Variants in CACHD1 observed in about 807,000 individuals in gnomAD.
The protein encoded by CACHD1 is VWFA and cache domain-containing protein 1.
In CACHD1, 71 loss-of-function variants were observed where a neutral mutation model predicts 138.7. The ratio of observed to expected loss-of-function variants is 0.51; its 90% CI spans 0.42 to 0.62. The LOEUF is 0.62. Among genes scored for constraint, CACHD1 ranks in the 20% least tolerant of loss-of-function variants. The probability of loss-of-function intolerance (pLI) is 0.00; values close to 1 mark genes in which losing one functional copy is unlikely to be tolerated. For missense variants in CACHD1, 1,389 were observed against 1,625.3 expected (o/e 0.85, Z 2.50); for synonymous variants, 578 against 591.5 (o/e 0.98, Z 0.33).
In CACHD1 at chr1:64,658,738, G is replaced by T; in HGVS notation, c.1816G>T (p.Val606Leu). Residue 606 changes from valine (V) to leucine (L), a missense_variant, in exon 13 of 27, where the codon GTG (valine) becomes TTG (leucine). By Grantham distance (32) the Val-to-Leu change is conservative. Transcript: ENST00000651257. ...CACTTCCTTTATTCTGTGTATTGTG[G>T]TGATACAACCAGAAATACCTGTGAA... ...QDTSFILCIV[V>L]IQPEIPVKQL... 6.2e-7 allele frequency: 1 copy of T among 1,612,034 alleles called. No homozygotes were observed. Among genetic ancestry groups the T allele is most frequent in the Non-Finnish European group, 8.5e-7 (1 of 1,178,930 alleles).
At chr1:64,630,394 G>A (rs968860826) in intron 5 of CACHD1, among the ~76,000 whole-genome samples, 1 of 151,236 alleles carries the variant, frequency 6.6e-6, no homozygotes, top group African/African-American at 2.4e-5. Context: ...TCTGCCTCCC[G>A]GGTTCAAGCG....
intron 26 of CACHD1, among the ~76,000 whole-genome samples, chr1:64,689,535 C>T (rs1165207433): frequency 1.3e-5 from 2 of 152,172 alleles, no homozygotes; most frequent in Non-Finnish European, 1.5e-5. Flanking sequence ...TCTTTCCTTT[C>T]GCTTCATCTC....
chr1:64,557,019 T>C (rs1646803831), intron 2 of CACHD1, among the ~76,000 whole-genome samples: 1 of 151,846 alleles, frequency 6.6e-6, no homozygotes, highest in Non-Finnish European at 1.5e-5. Flanking sequence ...CTTGGGAGGC[T>C]GAGGCAGGAG....
intron 4 of CACHD1, among the ~76,000 whole-genome samples, chr1:64,615,167 A>T (rs775722270): frequency 6.6e-6 from 1 of 152,190 alleles, no homozygotes; most frequent in South Asian, 2.1e-4. Context: ...CATGTAAAAC[A>T]TTGCTTATTC....
chr1:64,533,464 TG>T (rs1429239906), intron 1 of CACHD1, among the ~76,000 whole-genome samples: 1 of 152,226 alleles, frequency 6.6e-6, no homozygotes, highest in East Asian at 1.9e-4. Context: ...TTATAGCAGC[TG>T]GGCTTTTCAG....
intron 21 of CACHD1, 23 bp from the exon 22 acceptor site, chr1:64,676,872 C>G (rs747092038): frequency 6.3e-7 from 1 of 1,596,520 alleles, no homozygotes; most frequent in Admixed American, 1.7e-5. Flanking sequence ...TCGTCTTAAC[C>G]TCCAGACTTA....
Position 64,681,350 on chromosome 1 carries a change from G to A in CACHD1, c.3484+15G>A. 1.2e-6 allele frequency: 2 copies of A among 1,600,058 alleles called. No homozygotes were observed. The highest frequency in any genetic ancestry group is 1.7e-6 in the Non-Finnish European group (2 of 1,167,696). On this transcript the variant is annotated intron_variant, in intron 25 of 26. Transcript: ENST00000651257. ...CAGAGGCATCAGTGAGTATTCAGCT[G>A]CCTTGCTGCAGAATGTGTCAGCAGG...
chr1:64,671,804 C>A (rs2100719299), intron 17 of CACHD1, 118 bp downstream of exon 17: 6 of 1,209,778 alleles, frequency 5.0e-6, no homozygotes, highest in African/African-American at 1.5e-5. Flanking sequence ...TAATTTATGG[C>A]CTGGGTGTCC....
At chr1:64,534,598 G>A (rs757019525) in intron 1 of CACHD1, among the ~76,000 whole-genome samples, 6 of 152,140 alleles carry the variant, frequency 3.9e-5, no homozygotes, top group African/African-American at 7.2e-5. Flanking sequence ...TTGCCACTAC[G>A]TATCCTGCAG....
chr1:64,631,211 CAAAG>C (rs1648292717), intron 5 of CACHD1, among the ~76,000 whole-genome samples: 1 of 152,218 alleles, frequency 6.6e-6, no homozygotes, highest in Non-Finnish European at 1.5e-5. Context: ...TGAATTTTAA[CAAAG>C]GAAGTGTGTC....
intron 1 of CACHD1, among the ~76,000 whole-genome samples, chr1:64,527,179 G>T (rs145721726): frequency 2.6e-5 from 4 of 152,222 alleles, no homozygotes; most frequent in Non-Finnish European, 5.9e-5. Context: ...ACCACGGAGC[G>T]GCACAGGGAC....
intron 16 of CACHD1, among the ~76,000 whole-genome samples, chr1:64,668,159 T>G (rs1649696410): frequency 6.6e-6 from 1 of 152,070 alleles, no homozygotes; most frequent in African/African-American, 2.4e-5. Flanking sequence ...AAACCCCGTC[T>G]GTACTAAAAA....
rs1247493270 is a variant in CACHD1, at chr1:64,566,488, C to CCCCT, written c.262-15666_262-15665insCTCC. Among the ~76,000 whole-genome samples, 20 of 144,578 alleles carry CCCCT rather than the reference C, an allele frequency of 1.4e-4. 1 individual carries two copies. Among genetic ancestry groups the CCCCT allele is most frequent in the Non-Finnish European group, 1.6e-4 (10 of 63,406 alleles). The allele number at this position is 144,578 out of a possible 152,430, so 94.8% of individuals were successfully genotyped here. ...ACTGTATGTTTTCAATTCCCCCCCC[C>CCCCT]CCACAAGGTATGGGGGAAGTACTGC... On this transcript the variant is annotated intron_variant, in intron 2 of 26. Coordinates refer to ENST00000651257, the MANE Select transcript of CACHD1 (RefSeq NM_020925.4).
At chr1:64,630,921 C>G (rs537724603) in intron 5 of CACHD1, among the ~76,000 whole-genome samples, 39 of 152,362 alleles carry the variant, frequency 2.6e-4, no homozygotes, top group African/African-American at 9.4e-4. Flanking sequence ...TTTCCCTTGG[C>G]TAAATGATCC....
At chr1:64,635,069 G>A (rs1480586624) in intron 7 of CACHD1, among the ~76,000 whole-genome samples, 2 of 151,416 alleles carry the variant, frequency 1.3e-5, no homozygotes, top group African/African-American at 4.9e-5. Context: ...TAATTATAGA[G>A]TGTTAACTGC....
chr1:64,652,436 C>T (rs1280083625), intron 10 of CACHD1, 126 bp downstream of exon 10: 2 of 806,178 alleles, frequency 2.5e-6, no homozygotes, highest in East Asian at 2.9e-5. Context: ...TAAGATTGCT[C>T]ATTTGTAGTA....
chr1:64,664,618 G>A lies in CACHD1; in HGVS notation c.2215G>A (p.Val739Ile), dbSNP rs565019008. The A allele has an allele frequency of 3.4e-5, 55 of 1,614,162 alleles. No individual in the cohort carries two copies. The highest frequency in any genetic ancestry group is 4.0e-5 in the Non-Finnish European group (47 of 1,180,026). ...VRRYIATPNG[V>I]LRIYPGSLMD... ...CCGTTACATAGCAACACCCAATGGC[G>A]TCCTCAGAATTTATCCTGGTTCCCT... The change falls in exon 15 of 27, where the codon GTC becomes ATC. Residue 739 changes from valine (V) to isoleucine (I), a missense_variant. Val to Ile is a conservative substitution (Grantham distance 29, BLOSUM62 3). This residue lies in a region of CACHD1 where 1,000 missense variants were observed against 1,114.7 expected (regional missense o/e 0.90). Transcript: ENST00000651257.
intron 9 of CACHD1, among the ~76,000 whole-genome samples, chr1:64,649,087 T>C (rs978635103): frequency 2.6e-5 from 4 of 152,084 alleles, no homozygotes; most frequent in African/African-American, 9.7e-5. Flanking sequence ...CAAATACGGA[T>C]TTTTTTTAAA....
At chr1:64,538,188 A>G (rs1646649567) in intron 1 of CACHD1, among the ~76,000 whole-genome samples, 1 of 152,178 alleles carries the variant, frequency 6.6e-6, no homozygotes, top group East Asian at 1.9e-4. Flanking sequence ...TCATTTATGT[A>G]ATCATATTAG....
Sources: gnomAD v4.1 joint callset for allele counts (sites outside exome capture counted in the v4.1 genomes callset) on GRCh38, gnomAD v4.1.1 for gene constraint, gnomAD v4.1.1 regional missense constraint, MANE v1.5 for transcripts, NCBI Gene and HGNC (gene_info 2026-07-23, HGNC 2026-07-21) for gene names.